Variants in ZRANB3 observed in about 807,000 individuals in gnomAD.
ZRANB3 encodes DNA annealing helicase and endonuclease ZRANB3.
A neutral mutation model predicts 133.8 loss-of-function variants in ZRANB3; 125 were observed. The observed-to-expected ratio is 0.93, with a 90% CI of 0.81 to 1.08. The LOEUF (loss-of-function observed/expected upper bound fraction) is 1.08. Ranked by LOEUF, ZRANB3 falls within the 50% of genes least tolerant of loss-of-function variation. ZRANB3 has a pLI of 0.00. For missense variants in ZRANB3, 1,229 were observed against 1,275.5 expected (o/e 0.96, Z 0.56); for synonymous variants, 387 against 432.7 (o/e 0.89, Z 1.31).
At chr2:135,426,845 AAAAAAAAAAAAAAAAAAAATATATATAT>A (rs1689093196) in intron 2 of ZRANB3, among the ~76,000 whole-genome samples, 2 of 55,586 alleles carry the variant, frequency 3.6e-5, no homozygotes, top group Non-Finnish European at 2.9e-5. Context: ...AAAAAAAAAA[AAAAAAAAAAAAAAAAAAAATATATATAT>A]ATATATATAT....
At chr2:135,375,293 T>C (rs1686369548) in intron 3 of ZRANB3, among the ~76,000 whole-genome samples, 3 of 152,056 alleles carry the variant, frequency 2.0e-5, no homozygotes, top group Admixed American at 1.3e-4. Context: ...GAAAGAACGC[T>C]TGCAGTCCCA....
intron 8 of ZRANB3, among the ~76,000 whole-genome samples, chr2:135,310,477 ACTG>A (rs1448934106): frequency 6.6e-6 from 1 of 152,120 alleles, no homozygotes; most frequent in African/African-American, 2.4e-5. Flanking sequence ...AAAAATCAGA[ACTG>A]CTACCTTTAT....
intron 3 of ZRANB3, among the ~76,000 whole-genome samples, chr2:135,364,312 C>T (rs976785331): frequency 6.6e-6 from 1 of 152,168 alleles, no homozygotes; most frequent in Non-Finnish European, 1.5e-5. Context: ...ACACGAAAAA[C>T]ACTTCCATGA....
intron 6 of ZRANB3, among the ~76,000 whole-genome samples, chr2:135,339,076 A>G (rs1198560314): frequency 6.6e-6 from 1 of 152,012 alleles, no homozygotes; most frequent in Non-Finnish European, 1.5e-5. Context: ...AGAGTTCCAG[A>G]CAAGGCTGGG....
intron 12 of ZRANB3, among the ~76,000 whole-genome samples, chr2:135,247,974 A>C (rs1232738569): frequency 6.6e-6 from 1 of 152,024 alleles, no homozygotes; most frequent in East Asian, 1.9e-4. Flanking sequence ...GAACCTCCCA[A>C]CCAGATCACC....
At chr2:135,478,062 A>G (rs1691577116) in intron 2 of ZRANB3, among the ~76,000 whole-genome samples, 1 of 152,104 alleles carries the variant, frequency 6.6e-6, no homozygotes, top group African/African-American at 2.4e-5. Flanking sequence ...TACAAACACA[A>G]AACAAACACA....
intron 2 of ZRANB3, among the ~76,000 whole-genome samples, chr2:135,443,206 G>A (rs930064284): frequency 3.3e-5 from 5 of 151,924 alleles, no homozygotes; most frequent in Non-Finnish European, 5.9e-5. Flanking sequence ...AAAAAAGGAC[G>A]AGTTCATGTC....
intron 1 of ZRANB3, among the ~76,000 whole-genome samples, chr2:135,513,224 A>G (rs1693547497): frequency 6.6e-6 from 1 of 152,224 alleles, no homozygotes; most frequent in Admixed American, 6.5e-5. Context: ...TCTAAAATTC[A>G]TATGGAAATG....
intron 2 of ZRANB3, among the ~76,000 whole-genome samples, chr2:135,491,504 C>G (rs1692373734): frequency 6.6e-6 from 1 of 151,838 alleles, no homozygotes; most frequent in African/African-American, 2.4e-5. Flanking sequence ...GCCACTATGC[C>G]TGGCTAATTT....
At chr2:135,312,188 T>TTTTATTTTTA (rs1274204412) in intron 8 of ZRANB3, among the ~76,000 whole-genome samples, 1 of 127,170 alleles carries the variant, frequency 7.9e-6, no homozygotes, top group East Asian at 2.3e-4. Flanking sequence ...TTTTATTTTA[T>TTTTATTTTTA]TTTTATTTTA....
chr2:135,210,756 G>A (rs1251198927), intron 17 of ZRANB3, among the ~76,000 whole-genome samples: 1 of 151,984 alleles, frequency 6.6e-6, no homozygotes, highest in African/African-American at 2.4e-5. Context: ...CAACATATTA[G>A]TCTGCTAATA....
rs115779367 is a variant in ZRANB3, at chr2:135,325,993, A to G, written c.678-10463T>C. 7.2e-3 allele frequency among the ~76,000 whole-genome samples: 1,097 copies of G among 152,330 alleles called. 11 individuals are homozygous for G. The highest frequency in any genetic ancestry group is 0.025 in the African/African-American group (1,022 of 41,574). The stretch of plus-strand genomic sequence containing the variant: ...CAAAAACAATTTAGATTCTTCCACA[A>G]TGGAAAAATAAATAAATAAAACAAG... On this transcript the variant is annotated intron_variant, in intron 6 of 20. Transcript: ENST00000264159.
chr2:135,242,159 CA>C (rs1695580400), intron 12 of ZRANB3, among the ~76,000 whole-genome samples: 1 of 150,920 alleles, frequency 6.6e-6, no homozygotes, highest in Non-Finnish European at 1.5e-5. Flanking sequence ...GCCTGGGTGA[CA>C]GAGTGAGACT....
intron 1 of ZRANB3, among the ~76,000 whole-genome samples, chr2:135,524,872 A>G (rs1694087926): frequency 6.6e-6 from 1 of 152,132 alleles, no homozygotes; most frequent in East Asian, 1.9e-4. Context: ...CCTAAAAAAG[A>G]TTAATCTTTA....
intron 2 of ZRANB3, among the ~76,000 whole-genome samples, chr2:135,460,410 C>G (rs72986437): frequency 7.3e-5 from 11 of 151,644 alleles, no homozygotes; most frequent in African/African-American, 2.7e-4. Context: ...TACAGGTGCC[C>G]GCCACCACGC....
chr2:135,425,653 A>G (rs1421759004), intron 2 of ZRANB3, among the ~76,000 whole-genome samples: 1 of 152,216 alleles, frequency 6.6e-6, no homozygotes, highest in Non-Finnish European at 1.5e-5. Context: ...AATGAGAACA[A>G]AGATACAACA....
rs1385665999 is a variant in ZRANB3 at position 135,220,879 on chromosome 2, C to T, written c.2251-1701G>A. ...ATTTATTTTTTTTTTTTTTTTGAGA[C>T]AGAGTCACACTCTTTTGCCCAGGCT... is the stretch of plus-strand genomic sequence containing the variant. On this transcript the variant is annotated intron_variant, in intron 15 of 20. Coordinates refer to ENST00000264159, the MANE Select transcript of ZRANB3 (RefSeq NM_032143.4). 8.4e-5 allele frequency among the ~76,000 whole-genome samples: 11 copies of T among 131,246 alleles called. No individual in the cohort carries two copies. The Admixed American group carries it at 9.0e-4, about 11-fold the overall frequency. 86.1% of individuals were successfully genotyped at this position (131,246 alleles called of 152,430 possible).
chr2:135,354,597 A>G (rs948031024), intron 3 of ZRANB3, among the ~76,000 whole-genome samples: 11 of 152,140 alleles, frequency 7.2e-5, no homozygotes, highest in African/African-American at 2.7e-4. Context: ...ATTCGGTAAT[A>G]AAAAAAGAAT....
chr2:135,414,715 C>A (rs909740691), intron 2 of ZRANB3, among the ~76,000 whole-genome samples: 8 of 152,124 alleles, frequency 5.3e-5, no homozygotes, highest in Non-Finnish European at 1.2e-4. Context: ...TAAAGCTCTC[C>A]TCAGCAAATG....
Sources: gnomAD v4.1 joint callset for allele counts (sites outside exome capture counted in the v4.1 genomes callset) on GRCh38, gnomAD v4.1.1 for gene constraint, MANE v1.5 for transcripts, NCBI Gene and HGNC (gene_info 2026-07-23, HGNC 2026-07-21) for gene names.